The following SYNJ2 variants were observed in gnomAD, a reference collection of about 807,000 sequenced individuals.
SYNJ2 encodes the protein polyphosphatidylinositol phosphatase SYNJ2.
SYNJ2 carries 116 observed loss-of-function variants against 141.3 expected under a neutral mutation model. The observed-to-expected ratio is 0.82, with a 90% CI of 0.71 to 0.96. The LOEUF (loss-of-function observed/expected upper bound fraction) is 0.96, where lower values mean the gene tolerates loss of function less well. Among genes scored for constraint, SYNJ2 ranks in the 40% least tolerant of loss-of-function variants. The probability of loss-of-function intolerance (pLI) is 0.00; values close to 1 mark genes in which losing one functional copy is unlikely to be tolerated. For synonymous variants in SYNJ2, 745 were observed against 777.7 expected (o/e 0.96, Z 0.70); for missense variants, 1,873 against 1,934.8 (o/e 0.97, Z 0.60).
chr6:158,076,702 A>T lies in SYNJ2; in HGVS notation c.2369A>T (p.Asp790Val). The change falls in exon 17 of 27, where the codon GAT becomes GTT. Residue 790 changes from aspartate (D) to valine (V), a missense_variant. Transcript: ENST00000355585. Reference protein sequence around the residue: ...YKYDVGSAAYDTSDKCRTPAW... With the variant: ...YKYDVGSAAYVTSDKCRTPAW... ...TATGACGTTGGCTCAGCCGCCTACG[A>T]TACAAGCGACAAATGCCGCACCCCC... is the stretch of plus-strand genomic sequence containing the variant. 6.2e-7 allele frequency: 1 copy of T among 1,614,220 alleles called. No homozygotes were observed. The highest frequency in any genetic ancestry group is 8.5e-7 in the Non-Finnish European group (1 of 1,180,040).
intron 2 of SYNJ2, chr6:158,028,420 G>C: frequency 3.3e-6 from 1 of 299,890 alleles, no homozygotes. Flanking sequence ...GGAATTTTCA[G>C]ACTCCTGGGG....
At chr6:158,091,968 G>T (rs1046069515) in intron 25 of SYNJ2, among the ~76,000 whole-genome samples, 1 of 152,006 alleles carries the variant, frequency 6.6e-6, no homozygotes, top group Non-Finnish European at 1.5e-5. Context: ...CTGCTGTGGG[G>T]CTTCTTTTTT....
rs756477374 is a variant in SYNJ2 at position 158,040,197 on chromosome 6, G to T, written c.712-3119G>T. ...TGCATGGGTTGTATGTGTACAGTGTGTGCGTGGTATGTGCATTTATGTGTT... is the reference window on the plus strand; with the variant it reads ...TGCATGGGTTGTATGTGTACAGTGTTTGCGTGGTATGTGCATTTATGTGTT... On this transcript the variant is annotated intron_variant, in intron 4 of 26. Transcript: ENST00000355585. The surrounding 1 kb of genome is among the most constrained non-coding windows in gnomAD (Gnocchi z 4.2). Among the ~76,000 whole-genome samples, 1 of 151,866 alleles carries T rather than the reference G, an allele frequency of 6.6e-6. No individual in the cohort carries two copies. Among genetic ancestry groups the T allele is most frequent in the Non-Finnish European group, 1.5e-5 (1 of 68,030 alleles).
intron 1 of SYNJ2, among the ~76,000 whole-genome samples, chr6:157,994,280 C>T (rs898328718): frequency 2.0e-5 from 3 of 152,198 alleles, no homozygotes; most frequent in African/African-American, 7.2e-5. Flanking sequence ...GCTGATTCAG[C>T]AAAGCTGAGG....
intron 1 of SYNJ2, among the ~76,000 whole-genome samples, chr6:158,009,577 G>A (rs747241965): frequency 2.6e-5 from 4 of 152,328 alleles, no homozygotes; most frequent in East Asian, 1.9e-4. Context: ...CCAGAAATTC[G>A]TGGCCAGCCA....
chr6:158,068,998 T>C (rs1206131678), intron 13 of SYNJ2, among the ~76,000 whole-genome samples: 2 of 152,168 alleles, frequency 1.3e-5, no homozygotes, highest in Non-Finnish European at 2.9e-5. Flanking sequence ...TTGTTGAGGC[T>C]AATTTATGCT....
Position 158,033,611 on chromosome 6 carries a change from A to G in SYNJ2, c.642A>G (p.Thr214=), listed in dbSNP as rs749914988. 6.2e-7 allele frequency: 1 copy of G among 1,613,772 alleles called. No homozygotes were observed. The highest frequency in any genetic ancestry group is 8.5e-7 in the Non-Finnish European group (1 of 1,180,026). ...TCTCTCGCGTTAGCTGTGAGCGCAC[A>G]GGCACTCGCTTCCACACCCGTGGCG... ...CLVSRVSCER[T]GTRFHTRGVN... is the part of the protein sequence containing the mutation. Residue 214 remains threonine, a synonymous_variant, in exon 4 of 27, where the codon ACA becomes ACG. Transcript: ENST00000355585.
chr6:158,087,844 T>C (rs1027097305), intron 23 of SYNJ2, among the ~76,000 whole-genome samples: 2 of 151,312 alleles, frequency 1.3e-5, no homozygotes, highest in African/African-American at 2.4e-5. Context: ...GTCTTCTTTT[T>C]CCAGTTTCAT....
chr6:158,037,865 G>A (rs987501233), intron 4 of SYNJ2, among the ~76,000 whole-genome samples: 15 of 152,358 alleles, frequency 9.8e-5, no homozygotes, highest in Middle Eastern at 3.4e-3. Flanking sequence ...TACAGGCAGC[G>A]CCTGTGGCCC....
At chr6:158,056,068 C>A (rs1450748447) in intron 6 of SYNJ2, among the ~76,000 whole-genome samples, 1 of 152,092 alleles carries the variant, frequency 6.6e-6, no homozygotes, top group African/African-American at 2.4e-5. Context: ...GGTGACAGAG[C>A]GAGACTCCAT....
chr6:158,017,607 G>A, intron 2 of SYNJ2: 2 of 402,532 alleles, frequency 5.0e-6, no homozygotes. Context: ...GTAGAGACGG[G>A]GTTTTTCCAT....
At chr6:158,093,450 CAA>C (rs397886739) in intron 26 of SYNJ2, among the ~76,000 whole-genome samples, 5 of 88,060 alleles carry the variant, frequency 5.7e-5, no homozygotes, top group South Asian at 7.6e-4. Context: ...AAAAAAAAAA[CAA>C]AAAAAAAAAA....
chr6:157,993,599 C>T (rs1777529733), intron 1 of SYNJ2, among the ~76,000 whole-genome samples: 1 of 150,282 alleles, frequency 6.7e-6, no homozygotes, highest in South Asian at 2.1e-4. Flanking sequence ...TTGCTCAATA[C>T]ATTTTTGCCC....
chr6:157,998,067 C>T (rs909265004), intron 1 of SYNJ2, among the ~76,000 whole-genome samples: 6 of 152,212 alleles, frequency 3.9e-5, no homozygotes, highest in Non-Finnish European at 7.3e-5. Context: ...CATTCTTGGC[C>T]GGTCTGCTCA....
chr6:158,053,566 T>C (rs1488347466), intron 5 of SYNJ2, among the ~76,000 whole-genome samples: 1 of 150,968 alleles, frequency 6.6e-6, no homozygotes, highest in African/African-American at 2.4e-5. Context: ...AACCCATCCA[T>C]TCATCCACTC....
chr6:157,993,199 G>T (rs1373965325), intron 1 of SYNJ2, among the ~76,000 whole-genome samples: 3 of 151,978 alleles, frequency 2.0e-5, no homozygotes, highest in Non-Finnish European at 4.4e-5. Flanking sequence ...ATTTGTTATT[G>T]CCTGACTTTT....
intron 4 of SYNJ2, among the ~76,000 whole-genome samples, chr6:158,034,648 G>A (rs1779545166): frequency 6.6e-6 from 1 of 152,226 alleles, no homozygotes; most frequent in South Asian, 2.1e-4. Flanking sequence ...TTACTTGCCT[G>A]TAATTCTGCT....
At chr6:158,000,227 T>C (rs1402963112) in intron 1 of SYNJ2, among the ~76,000 whole-genome samples, 2 of 151,938 alleles carry the variant, frequency 1.3e-5, no homozygotes, top group African/African-American at 4.8e-5. Flanking sequence ...TTGTAAAAAA[T>C]AGCATGATGT....
intron 2 of SYNJ2, among the ~76,000 whole-genome samples, chr6:158,023,011 G>A (rs1778856015): frequency 1.3e-5 from 2 of 152,064 alleles, no homozygotes; most frequent in South Asian, 4.1e-4. Context: ...GCACCTCAGG[G>A]GGCCGAGGCA....
Sources: allele counts gnomAD v4.1 joint callset (sites outside exome capture counted in the v4.1 genomes callset), GRCh38; gene constraint gnomAD v4.1.1; non-coding constraint Gnocchi (gnomAD v3.1); transcripts MANE v1.5; gene names NCBI Gene and HGNC (gene_info 2026-07-23, HGNC 2026-07-21).